Variants in ANTXR1 observed in about 807,000 individuals in gnomAD.
The protein encoded by ANTXR1 is anthrax toxin receptor 1.
A neutral mutation model predicts 78.1 loss-of-function variants in ANTXR1; 19 were observed. The ratio of observed to expected loss-of-function variants is 0.24; its 90% CI spans 0.17 to 0.36. ANTXR1 has a LOEUF of 0.36. Ranked by LOEUF, ANTXR1 falls within the 10% of genes least tolerant of loss-of-function variation. The pLI is 1.00. For missense variants in ANTXR1, 518 were observed against 718.6 expected (o/e 0.72, Z 3.19); for synonymous variants, 273 against 260.5 (o/e 1.05, Z -0.46).
intron 17 of ANTXR1, among the ~76,000 whole-genome samples, chr2:69,218,746 T>C (rs1675240765): frequency 6.6e-6 from 1 of 151,946 alleles, no homozygotes; most frequent in African/African-American, 2.4e-5. Flanking sequence ...CACCAGAAGG[T>C]GAAACCCAGC....
intron 12 of ANTXR1, 48 bp from the exon 13 acceptor site, chr2:69,152,121 A>G (rs1673414709): frequency 2.6e-6 from 4 of 1,567,666 alleles, no homozygotes; most frequent in Non-Finnish European, 3.5e-6. Context: ...AGGGAAGATC[A>G]CACATGGTCC....
rs558714356 is a variant in ANTXR1 at position 69,024,961 on chromosome 2, G to A, written c.152+11310G>A. On this transcript the variant is annotated intron_variant, in intron 1 of 17. Coordinates refer to ENST00000303714, the MANE Select transcript of ANTXR1 (RefSeq NM_032208.3). ...TTCCGAAGCTCTTTCAGGATAAAGT[G>A]TAAACTCTTCAGCAAAGTATGCAAG... is the stretch of plus-strand genomic sequence containing the variant. 1.2e-4 allele frequency among the ~76,000 whole-genome samples: 18 copies of A among 152,284 alleles called. No homozygotes were observed. In the South Asian group the frequency reaches 3.7e-3, roughly 32 times the overall value.
At chr2:69,132,932 A>G (rs1395944387) in intron 12 of ANTXR1, among the ~76,000 whole-genome samples, 1 of 152,234 alleles carries the variant, frequency 6.6e-6, no homozygotes, top group African/African-American at 2.4e-5. Context: ...GGTAAATATT[A>G]TACAATTTGG....
intron 12 of ANTXR1, chr2:69,145,350 C>T (rs375706713): frequency 6.3e-7 from 1 of 1,599,510 alleles, no homozygotes; most frequent in Non-Finnish European, 8.5e-7. Flanking sequence ...TGCATCAGGC[C>T]CCACAACAGC....
intron 12 of ANTXR1, among the ~76,000 whole-genome samples, chr2:69,133,790 G>A (rs1412355341): frequency 1.3e-5 from 2 of 152,176 alleles, no homozygotes; most frequent in African/African-American, 4.8e-5. Flanking sequence ...GACGCACTTT[G>A]TTATTGCTGT....
intron 10 of ANTXR1, among the ~76,000 whole-genome samples, chr2:69,114,233 TC>T (rs749386236): frequency 1.3e-5 from 2 of 152,256 alleles, no homozygotes; most frequent in Non-Finnish European, 2.9e-5. Context: ...TTCTCTGTAT[TC>T]CCCAGGCTTT....
Position 69,013,735 on chromosome 2 carries a change from G to T in ANTXR1, c.152+84G>T. ...CCGGGCCGGGCTCGTTGGCAGGGTC[G>T]CCTGGGGACAGGAGCGCATCTCCAG... On this transcript the variant is annotated intron_variant, in intron 1 of 17. Transcript: ENST00000303714. The surrounding 1 kb of genome is among the most constrained non-coding windows in gnomAD (Gnocchi z 5.0). 1 of 1,547,562 alleles carries T rather than the reference G, an allele frequency of 6.5e-7. No individual in the cohort carries two copies. Among genetic ancestry groups the T allele is most frequent in the Non-Finnish European group, 8.7e-7 (1 of 1,144,096 alleles).
intron 17 of ANTXR1, among the ~76,000 whole-genome samples, chr2:69,208,369 C>T (rs73937204): frequency 0.021 from 3,225 of 152,270 alleles, 85 homozygotes; most frequent in East Asian, 0.096. Context: ...AAGGCAGCCA[C>T]TAGTCACATG....
chr2:69,021,871 A>T (rs1012470232), intron 1 of ANTXR1, among the ~76,000 whole-genome samples: 1 of 152,236 alleles, frequency 6.6e-6, no homozygotes, highest in Non-Finnish European at 1.5e-5. Flanking sequence ...TACAGCATTC[A>T]TCAACCTAGA....
rs201497715 is a variant in ANTXR1, at chr2:69,096,257, AAAGGAAGG to A, written c.703+5363_703+5370del. 2.1e-3 allele frequency among the ~76,000 whole-genome samples: 103 copies of A among 50,236 alleles called. 1 individual carries two copies. The highest frequency in any genetic ancestry group is 7.2e-3 in the South Asian group (8 of 1,110). 33.0% of individuals were successfully genotyped at this position (50,236 alleles called of 152,430 possible). ...TGGGCAACAGAGCGAGACTCCGTCA[AAAGGAAGG>A]AAGGAAGGAAGGAAGGAAGGAAGGG... On this transcript the variant is annotated intron_variant, in intron 9 of 17. Coordinates refer to ENST00000303714, the MANE Select transcript of ANTXR1 (RefSeq NM_032208.3).
At chr2:69,224,028 A>G (rs746786898) in intron 17 of ANTXR1, among the ~76,000 whole-genome samples, 2 of 152,246 alleles carry the variant, frequency 1.3e-5, no homozygotes, top group African/African-American at 2.4e-5. Context: ...CTATAACTGC[A>G]TGGCCAGGGC....
chr2:69,142,954 G>A (rs550827008), intron 12 of ANTXR1, among the ~76,000 whole-genome samples: 7 of 152,258 alleles, frequency 4.6e-5, no homozygotes, highest in African/African-American at 1.4e-4. Context: ...AATAAAAAAC[G>A]TGTGAGCCTG....
chr2:69,054,795 G>A (rs1002646580), intron 3 of ANTXR1, among the ~76,000 whole-genome samples: 1 of 152,196 alleles, frequency 6.6e-6, no homozygotes, highest in Non-Finnish European at 1.5e-5. Context: ...AGGAGAAAGA[G>A]TCTTAAGATA....
At chr2:69,158,408 C>A (rs1445230146) in intron 13 of ANTXR1, among the ~76,000 whole-genome samples, 6 of 152,198 alleles carry the variant, frequency 3.9e-5, no homozygotes, top group Admixed American at 3.9e-4. Flanking sequence ...ACACCTTTTC[C>A]TCACCTGGGG....
At chr2:69,014,104 T>C (rs1670951606) in intron 1 of ANTXR1, among the ~76,000 whole-genome samples, 1 of 152,210 alleles carries the variant, frequency 6.6e-6, no homozygotes, top group South Asian at 2.1e-4. Context: ...TGTTTTGTTT[T>C]GAAACGCTGT....
intron 3 of ANTXR1, among the ~76,000 whole-genome samples, chr2:69,064,295 G>A (rs549651684): frequency 6.6e-6 from 1 of 152,140 alleles, no homozygotes; most frequent in East Asian, 1.9e-4. Context: ...GGCTCAGCTG[G>A]GAAATACAAT....
intron 13 of ANTXR1, among the ~76,000 whole-genome samples, chr2:69,169,287 C>G (rs927122801): frequency 6.6e-6 from 1 of 152,218 alleles, no homozygotes; most frequent in Non-Finnish European, 1.5e-5. Flanking sequence ...TGCCAGAAGT[C>G]CTCTAAGTAA....
chr2:69,219,918 T>C (rs1675280635), intron 17 of ANTXR1, among the ~76,000 whole-genome samples: 1 of 152,174 alleles, frequency 6.6e-6, no homozygotes, highest in Non-Finnish European at 1.5e-5. Flanking sequence ...TTCCTGATTT[T>C]TTTTTGAACA....
Position 69,214,346 on chromosome 2 carries a change from C to G in ANTXR1, c.1434+20931C>G, listed in dbSNP as rs77106555. Among the ~76,000 whole-genome samples the G allele has an allele frequency of 7.9e-3, 1,202 of 152,324 alleles. 15 individuals carry two copies. Among genetic ancestry groups the G allele is most frequent in the African/African-American group, 0.027 (1,111 of 41,564 alleles). ...AAAACAAAGCTTTGGTTTGTATTTCCTTCTACTCCTTGTAAATTTTATTCA... is the reference window on the plus strand; with the variant it reads ...AAAACAAAGCTTTGGTTTGTATTTCGTTCTACTCCTTGTAAATTTTATTCA... On this transcript the variant is annotated intron_variant, in intron 17 of 17. Coordinates refer to ENST00000303714, the MANE Select transcript of ANTXR1 (RefSeq NM_032208.3).
Sources: gnomAD v4.1 joint callset for allele counts (sites outside exome capture counted in the v4.1 genomes callset) on GRCh38, gnomAD v4.1.1 for gene constraint, Gnocchi (gnomAD v3.1) non-coding constraint, MANE v1.5 for transcripts, NCBI Gene and HGNC (gene_info 2026-07-23, HGNC 2026-07-21) for gene names.